The following MTCL2 variants were observed in gnomAD, a reference collection of about 807,000 sequenced individuals.
MTCL2 encodes microtubule crosslinking factor 2.
chr20:36,826,283 T>G, the MTCL2 span, among the ~76,000 whole-genome samples: 1 of 131,836 alleles, frequency 7.6e-6, no homozygotes, highest in Middle Eastern at 4.6e-3. Context: ...TGCTGGTCTT[T>G]TCTTTTCTGT....
the MTCL2 span, chr20:36,812,938 C>T: frequency 1.4e-6 from 2 of 1,442,418 alleles, no homozygotes; most frequent in African/African-American, 2.8e-5. Context: ...CTCTGCGCTC[C>T]CTAAGAGGCT....
chr20:36,830,853 C>G, the MTCL2 span, among the ~76,000 whole-genome samples: 1 of 152,214 alleles, frequency 6.6e-6, no homozygotes, highest in African/African-American at 2.4e-5. Context: ...TGACTGGTAG[C>G]TGCTGCTCCA....
chr20:36,853,691 T>C, the MTCL2 span, among the ~76,000 whole-genome samples: 1 of 147,618 alleles, frequency 6.8e-6, no homozygotes, highest in East Asian at 2.0e-4. Context: ...ACAGATGCTC[T>C]ATCAGGGAGG....
chr20:36,815,309 A>G, the MTCL2 span: 1 of 1,613,920 alleles, frequency 6.2e-7, no homozygotes. This position sits in a 1 kb window ranked among gnomAD's most constrained non-coding sequence, Gnocchi z 5.3. Context: ...CCAGGATGGC[A>G]TGGATGAGCT....
chr20:36,837,681 G>A, the MTCL2 span, among the ~76,000 whole-genome samples: 1 of 151,528 alleles, frequency 6.6e-6, no homozygotes, highest in South Asian at 2.1e-4. Context: ...GGGTTCAAGC[G>A]ATTCTCCTGT....
the MTCL2 span, among the ~76,000 whole-genome samples, chr20:36,818,556 T>C: frequency 6.6e-6 from 1 of 152,130 alleles, no homozygotes; most frequent in Non-Finnish European, 1.5e-5. Flanking sequence ...TCCCAGTACT[T>C]TGGGAGGCTG....
chr20:36,842,623 T>C, the MTCL2 span, among the ~76,000 whole-genome samples: 3 of 152,012 alleles, frequency 2.0e-5, no homozygotes, highest in African/African-American at 7.3e-5. Flanking sequence ...AATACAAAAA[T>C]TAGCCAGGCA....
At chr20:36,823,973 G>A in the MTCL2 span, among the ~76,000 whole-genome samples, 5 of 152,312 alleles carry the variant, frequency 3.3e-5, 1 homozygote, top group East Asian at 9.6e-4. Context: ...TTCCGGATGA[G>A]AAGGCTGTGC....
the MTCL2 span, among the ~76,000 whole-genome samples, chr20:36,828,005 G>A: frequency 6.6e-6 from 1 of 152,226 alleles, no homozygotes; most frequent in Non-Finnish European, 1.5e-5. Flanking sequence ...CACCCAGTGG[G>A]AAGGATGGCT....
chr20:36,842,086 GCTTCTGCTACCGCTGTCAT>G, the MTCL2 span, among the ~76,000 whole-genome samples: 1 of 152,146 alleles, frequency 6.6e-6, no homozygotes, highest in Non-Finnish European at 1.5e-5. Flanking sequence ...CCTGAAGGCA[GCTTCTGCTACCGCTGTCAT>G]CAGCTTCCAG....
the MTCL2 span, chr20:36,785,389 C>A: frequency 1.0e-6 from 1 of 983,730 alleles, no homozygotes; most frequent in Admixed American, 6.2e-5. Flanking sequence ...ATAAAGTAAA[C>A]CACCTTAAAT....
the MTCL2 span, among the ~76,000 whole-genome samples, chr20:36,857,032 C>G: frequency 6.6e-6 from 1 of 152,248 alleles, no homozygotes; most frequent in Non-Finnish European, 1.5e-5. Context: ...GTGTGCAAGT[C>G]TCTGCTGCTC....
At chr20:36,802,739 G>T in the MTCL2 span, 1 of 1,262,374 alleles carries the variant, frequency 7.9e-7, no homozygotes. Flanking sequence ...TGGTGTGCCA[G>T]ACCTCACTGG....
At chr20:36,787,695 G>T in the MTCL2 span, among the ~76,000 whole-genome samples, 1 of 150,972 alleles carries the variant, frequency 6.6e-6, no homozygotes, top group Non-Finnish European at 1.5e-5. Flanking sequence ...AGACCATCCT[G>T]GCCAACATGG....
chr20:36,795,244 C>T, the MTCL2 span, among the ~76,000 whole-genome samples: 2 of 151,984 alleles, frequency 1.3e-5, no homozygotes. Context: ...CAGCCTAACA[C>T]CTGGCTAATT....
chr20:36,824,161 C>T, the MTCL2 span, among the ~76,000 whole-genome samples: 4 of 151,818 alleles, frequency 2.6e-5, no homozygotes, highest in South Asian at 6.2e-4. Flanking sequence ...TCCCCAGTCA[C>T]GTCTACATCC....
At chr20:36,784,141 T>G in the MTCL2 span, 15 of 985,502 alleles carry the variant, frequency 1.5e-5, no homozygotes, top group Non-Finnish European at 1.6e-5. Context: ...TGGCTGTCGC[T>G]CTGGGAGGTG....
At chr20:36,805,834 GA>G in the MTCL2 span, 1 of 1,587,702 alleles carries the variant, frequency 6.3e-7, no homozygotes, top group Non-Finnish European at 8.6e-7. Flanking sequence ...ACAGGACCGG[GA>G]AGGGGCTGGA....
the MTCL2 span, chr20:36,815,844 A>G: frequency 6.2e-7 from 1 of 1,600,086 alleles, no homozygotes; most frequent in African/African-American, 1.3e-5. The surrounding 1 kb of genome is among the most constrained non-coding windows in gnomAD (Gnocchi z 5.3). Context: ...CTGGTCCTCG[A>G]GCTCGGCAGA....
Sources: gnomAD v4.1 joint callset for allele counts (sites outside exome capture counted in the v4.1 genomes callset) on GRCh38, gnomAD v4.1.1 for gene constraint, Gnocchi (gnomAD v3.1) non-coding constraint, MANE v1.5 for transcripts, NCBI Gene and HGNC (gene_info 2026-07-23, HGNC 2026-07-21) for gene names.